The following OSBPL10 variants were observed in gnomAD, a reference collection of about 807,000 sequenced individuals.
OSBPL10 encodes oxysterol binding protein like 10, also known as oxysterol-binding protein-related protein 10.
In OSBPL10, 49 loss-of-function variants were observed where a neutral mutation model predicts 81.7. The observed-to-expected ratio is 0.60, with a 90% CI of 0.48 to 0.76. The LOEUF is 0.76. Among genes scored for constraint, OSBPL10 ranks in the 30% least tolerant of loss-of-function variants. OSBPL10 has a pLI of 0.00. For missense variants in OSBPL10, 923 were observed against 987.8 expected (o/e 0.93, Z 0.88); for synonymous variants, 419 against 383.6 (o/e 1.09, Z -1.08).
At chr3:31,818,242 G>A (rs1265120678) in intron 4 of OSBPL10, among the ~76,000 whole-genome samples, 1 of 152,128 alleles carries the variant, frequency 6.6e-6, no homozygotes, top group Non-Finnish European at 1.5e-5. Context: ...CCAGTCCATT[G>A]AAGGCCTCAA....
At chr3:31,985,665 C>T (rs1653574691), upstream of OSBPL10, among the ~76,000 whole-genome samples, 1 of 152,146 alleles carries the variant, frequency 6.6e-6, no homozygotes, top group Non-Finnish European at 1.5e-5. Flanking sequence ...GAAGCTTGGC[C>T]ACGAATAGAG....
At chr3:31,856,966 C>T (rs552190756) in intron 3 of OSBPL10, among the ~76,000 whole-genome samples, 39 of 152,266 alleles carry the variant, frequency 2.6e-4, no homozygotes, top group East Asian at 1.5e-3. Flanking sequence ...TTCCCAGCTA[C>T]GTGGGTGAAT....
chr3:31,730,105 G>C (rs1696924857), intron 6 of OSBPL10, among the ~76,000 whole-genome samples: 1 of 152,194 alleles, frequency 6.6e-6, no homozygotes, highest in Non-Finnish European at 1.5e-5. Context: ...CACTTTGGGA[G>C]GTCAAGGCAG....
At chr3:31,870,269 G>A (rs921969802) in intron 3 of OSBPL10, among the ~76,000 whole-genome samples, 2 of 152,234 alleles carry the variant, frequency 1.3e-5, no homozygotes, top group African/African-American at 4.8e-5. Context: ...CTGGGCCAGT[G>A]GCTGCGGAGG....
chr3:31,744,537 C>CAAAAAAAAAAAAAAAAA (rs58546446), intron 5 of OSBPL10, among the ~76,000 whole-genome samples: 2 of 96,302 alleles, frequency 2.1e-5, no homozygotes, highest in Admixed American at 1.4e-4. Context: ...GACTCCGTCT[C>CAAAAAAAAAAAAAAAAA]AAAAAAAAAA....
chr3:31,698,644 A>C (rs1398362005), intron 7 of OSBPL10, among the ~76,000 whole-genome samples: 1 of 151,886 alleles, frequency 6.6e-6, no homozygotes, highest in South Asian at 2.1e-4. Flanking sequence ...ATCCAACCAC[A>C]TTGGCCTCAT....
chr3:31,980,642 A>T (rs777362965), intron 1 of OSBPL10, among the ~76,000 whole-genome samples: 5 of 152,118 alleles, frequency 3.3e-5, no homozygotes, highest in Non-Finnish European at 5.9e-5. Flanking sequence ...GCCAGCATAG[A>T]AGAAAACCAG....
At chr3:31,756,360 GA>G (rs1697886601) in intron 4 of OSBPL10, among the ~76,000 whole-genome samples, 1 of 152,210 alleles carries the variant, frequency 6.6e-6, no homozygotes, top group Non-Finnish European at 1.5e-5. Flanking sequence ...TCACCATCTG[GA>G]AACCAGCTTT....
At position 31,827,985 on chromosome 3, in the gene OSBPL10, C is replaced by T. The variant is rs546679062; in HGVS notation, c.729+2055G>A. On this transcript the variant is annotated intron_variant, in intron 4 of 11. Transcript: ENST00000396556. Reference sequence around the variant, plus strand: ...CTCAACTTTTATTTAGGTCACTGCTCACTACACACAAGTCCTACATTTTTT... The same window carrying T: ...CTCAACTTTTATTTAGGTCACTGCTTACTACACACAAGTCCTACATTTTTT... 2.0e-4 allele frequency among the ~76,000 whole-genome samples: 31 copies of T among 152,262 alleles called. No homozygotes were observed. In the South Asian group the frequency reaches 5.4e-3, roughly 26 times the overall value.
At chr3:31,716,197 G>T (rs1293532384) in intron 6 of OSBPL10, among the ~76,000 whole-genome samples, 1 of 152,074 alleles carries the variant, frequency 6.6e-6, no homozygotes, top group African/African-American at 2.4e-5. Context: ...TTGGTTTGGG[G>T]TTTGTTTATC....
intron 3 of OSBPL10, among the ~76,000 whole-genome samples, chr3:31,847,513 A>G (rs1210383154): frequency 6.6e-6 from 1 of 152,102 alleles, no homozygotes; most frequent in African/African-American, 2.4e-5. Flanking sequence ...CTGTGGTAGC[A>G]AACCTTCTCT....
intron 4 of OSBPL10, among the ~76,000 whole-genome samples, chr3:31,798,553 T>G (rs978622410): frequency 6.6e-6 from 1 of 152,244 alleles, no homozygotes; most frequent in Admixed American, 6.5e-5. Context: ...GGATATGAGT[T>G]AAATAAAATA....
At chr3:31,682,862 G>A (rs970213370) in intron 8 of OSBPL10, among the ~76,000 whole-genome samples, 2 of 152,184 alleles carry the variant, frequency 1.3e-5, no homozygotes, top group African/African-American at 4.8e-5. Flanking sequence ...AATGTGCTAA[G>A]TGAATGAAAG....
chr3:32,074,460 C>T (rs1699857810), intron 1 of OSBPL10, among the ~76,000 whole-genome samples: 1 of 152,174 alleles, frequency 6.6e-6, no homozygotes, highest in African/African-American at 2.4e-5. Flanking sequence ...CATTACCAAA[C>T]AGATGGGAGC....
At chr3:32,067,144 A>G (rs547672759) in intron 1 of OSBPL10, among the ~76,000 whole-genome samples, 1 of 152,348 alleles carries the variant, frequency 6.6e-6, no homozygotes, top group East Asian at 1.9e-4. Flanking sequence ...CCTTTAAAAA[A>G]AAAATCTTCA....
At chr3:31,719,246 G>A (rs7650117) in intron 6 of OSBPL10, among the ~76,000 whole-genome samples, 45,271 of 152,086 alleles carry the variant, frequency 0.3, 8,213 homozygotes, top group East Asian at 0.62. Context: ...CAGTGGGGAC[G>A]TAATCATGTT....
At chr3:31,774,175 AAAAAG>A (rs1367580564) in intron 4 of OSBPL10, among the ~76,000 whole-genome samples, 5 of 146,872 alleles carry the variant, frequency 3.4e-5, no homozygotes, top group African/African-American at 1.1e-4. Context: ...AAAAAAAAAA[AAAAAG>A]AAAGACAGAC....
Position 31,733,319 on chromosome 3 carries a change from T to C in OSBPL10, c.1033A>G (p.Ile345Val). 1 of 1,613,534 alleles carries C rather than the reference T, an allele frequency of 6.2e-7. No individual in the cohort carries two copies. Among genetic ancestry groups the C allele is most frequent in the Non-Finnish European group, 8.5e-7 (1 of 1,179,916 alleles). The change falls in exon 6 of 12, where the codon ATA (isoleucine) becomes GTA (valine). Residue 345 changes from isoleucine (I) to valine (V), a missense_variant. Physicochemically the swap from Ile to Val is conservative, Grantham distance 29 (BLOSUM62 3). Transcript: ENST00000396556. Reference sequence around the variant, plus strand: ...GAGTTTGGTAAAATTGCCCAGGTTATGTTGGCACTGGCTGATGGCAAAGAG... The same window carrying C: ...GAGTTTGGTAAAATTGCCCAGGTTACGTTGGCACTGGCTGATGGCAAAGAG... ...LGSLPSASAN[I>V]TWAILPNSAE...
At chr3:31,697,149 T>C (rs1695746376) in intron 7 of OSBPL10, among the ~76,000 whole-genome samples, 1 of 152,220 alleles carries the variant, frequency 6.6e-6, no homozygotes, top group South Asian at 2.1e-4. Flanking sequence ...TAGGAAGGCT[T>C]ACCGGCTTCC....
Sources: allele counts gnomAD v4.1 joint callset (sites outside exome capture counted in the v4.1 genomes callset), GRCh38; gene constraint gnomAD v4.1.1; transcripts MANE v1.5; gene names NCBI Gene and HGNC (gene_info 2026-07-23, HGNC 2026-07-21).